Variants in KCNIP4 observed in about 807,000 individuals in gnomAD.
KCNIP4 encodes the protein potassium voltage-gated channel interacting protein 4.
KCNIP4 carries 12 observed loss-of-function variants against 34.0 expected under a neutral mutation model. The observed-to-expected ratio is 0.35, with a 90% CI of 0.23 to 0.57. The LOEUF (loss-of-function observed/expected upper bound fraction) is 0.57, where lower values mean the gene tolerates loss of function less well. Among genes scored for constraint, KCNIP4 ranks in the 20% least tolerant of loss-of-function variants. The probability of loss-of-function intolerance (pLI) is 0.83; values close to 1 mark genes in which losing one functional copy is unlikely to be tolerated. For synonymous variants in KCNIP4, 124 were observed against 102.2 expected, an observed-to-expected ratio of 1.21 and a Z score of -1.29; for missense variants, 238 against 311.7, an observed-to-expected ratio of 0.76 and a Z score of 1.78.
chr4:21,384,416 C>T (rs1046071511), intron 1 of KCNIP4, among the ~76,000 whole-genome samples: 2 of 152,094 alleles, frequency 1.3e-5, no homozygotes, highest in Non-Finnish European at 2.9e-5. Context: ...AATATTAAAC[C>T]ATCCAAGTTG....
chr4:21,827,459 T>G (rs1012725724), intron 1 of KCNIP4, among the ~76,000 whole-genome samples: 1 of 152,000 alleles, frequency 6.6e-6, no homozygotes, highest in African/African-American at 2.4e-5. Flanking sequence ...AAATTTCTAA[T>G]GTACTGATCT....
chr4:20,779,585 C>CACA (rs1474398889), intron 3 of KCNIP4, among the ~76,000 whole-genome samples: 3 of 134,534 alleles, frequency 2.2e-5, no homozygotes, highest in African/African-American at 8.5e-5. Context: ...AACCCCCCCC[C>CACA]CCCACACAAA....
At chr4:20,961,722 A>G (rs1733870216) in intron 1 of KCNIP4, among the ~76,000 whole-genome samples, 1 of 152,202 alleles carries the variant, frequency 6.6e-6, no homozygotes, top group South Asian at 2.1e-4. Flanking sequence ...GAAAATTCTG[A>G]TCTCAGAGGT....
chr4:21,151,700 C>T (rs982864898), intron 1 of KCNIP4, among the ~76,000 whole-genome samples: 13 of 152,024 alleles, frequency 8.6e-5, no homozygotes, highest in Non-Finnish European at 1.9e-4. Context: ...TTGAGGGGCA[C>T]GATTCAGTCC....
intron 1 of KCNIP4, among the ~76,000 whole-genome samples, chr4:21,443,855 C>A (rs1176713658): frequency 6.6e-6 from 1 of 152,032 alleles, no homozygotes; most frequent in Non-Finnish European, 1.5e-5. Context: ...TTTGTTTAAG[C>A]CTGAGAGGTT....
At chr4:20,975,625 C>G (rs1490153785) in intron 1 of KCNIP4, among the ~76,000 whole-genome samples, 1 of 152,186 alleles carries the variant, frequency 6.6e-6, no homozygotes, top group Non-Finnish European at 1.5e-5. Context: ...TAAAAAGAGA[C>G]TAGACCCCCA....
intron 1 of KCNIP4, among the ~76,000 whole-genome samples, chr4:21,731,280 G>A (rs555986238): frequency 4.6e-5 from 7 of 152,206 alleles, no homozygotes; most frequent in African/African-American, 1.7e-4. Context: ...CACATCAAGA[G>A]AAGGTACATA....
intron 1 of KCNIP4, among the ~76,000 whole-genome samples, chr4:21,084,438 G>A (rs778517571): frequency 7.4e-5 from 11 of 149,536 alleles, no homozygotes; most frequent in African/African-American, 2.0e-4. Context: ...ATGACATTAC[G>A]TGGGCTATGA....
At chr4:21,756,258 A>G (rs941274638) in intron 1 of KCNIP4, among the ~76,000 whole-genome samples, 1 of 152,176 alleles carries the variant, frequency 6.6e-6, no homozygotes, top group African/African-American at 2.4e-5. Context: ...TTGAAGTATT[A>G]TAAGAAATAT....
chr4:21,360,268 A>G (rs1719080645), intron 1 of KCNIP4, among the ~76,000 whole-genome samples: 1 of 152,132 alleles, frequency 6.6e-6, no homozygotes, highest in Admixed American at 6.6e-5. Flanking sequence ...ATTTTGATAA[A>G]TTATCCATTA....
intron 1 of KCNIP4, among the ~76,000 whole-genome samples, chr4:21,415,845 A>C (rs2109606480): frequency 6.6e-6 from 1 of 152,322 alleles, no homozygotes; most frequent in South Asian, 2.1e-4. Flanking sequence ...GGAGAGGAAA[A>C]ACCAGGCTGG....
intron 3 of KCNIP4, among the ~76,000 whole-genome samples, chr4:20,788,386 A>G: frequency 6.6e-6 from 1 of 152,168 alleles, no homozygotes; most frequent in South Asian, 2.1e-4. Flanking sequence ...AATGAGGTAT[A>G]TTTTGGATCC....
At position 20,730,088 on chromosome 4, in the gene KCNIP4, C is replaced by G; in HGVS notation, c.747G>C (p.Val249=). 1 of 1,608,358 alleles carries G rather than the reference C, an allele frequency of 6.2e-7. No homozygotes were observed. Among genetic ancestry groups the G allele is most frequent in the Non-Finnish European group, 8.5e-7 (1 of 1,178,070 alleles). ...TCAGGATCTATTTGACAAGTTAAATCACATTTTCAAAGAGCTGCATGGAGC... is the reference window on the plus strand; with the variant it reads ...TCAGGATCTATTTGACAAGTTAAATGACATTTTCAAAGAGCTGCATGGAGC... The part of the protein sequence containing the change: ...IMRSMQLFEN[V]I Residue 249 remains valine (V), a synonymous_variant, in exon 9 of 9, where the codon GTG becomes GTC. Transcript: ENST00000382152.
intron 1 of KCNIP4, among the ~76,000 whole-genome samples, chr4:20,990,467 C>A (rs918939285): frequency 1.8e-4 from 27 of 152,136 alleles, no homozygotes; most frequent in African/African-American, 6.3e-4. Flanking sequence ...TCCACAAGGT[C>A]GATTGGATTT....
intron 1 of KCNIP4, among the ~76,000 whole-genome samples, chr4:20,985,188 T>C (rs1736459090): frequency 6.6e-6 from 1 of 152,212 alleles, no homozygotes; most frequent in Admixed American, 6.5e-5. Context: ...TTCTGCTTCT[T>C]TCTTGCTATG....
chr4:21,524,526 C>A (rs185693172), intron 1 of KCNIP4, among the ~76,000 whole-genome samples: 1 of 152,018 alleles, frequency 6.6e-6, no homozygotes, highest in African/African-American at 2.4e-5. Context: ...GTGAATATAT[C>A]CAGTTCTTTT....
intron 1 of KCNIP4, among the ~76,000 whole-genome samples, chr4:21,787,527 C>T (rs1318480218): frequency 6.6e-6 from 1 of 152,122 alleles, no homozygotes; most frequent in Admixed American, 6.5e-5. Context: ...CACAACAACC[C>T]CATGAAGAAG....
intron 1 of KCNIP4, among the ~76,000 whole-genome samples, chr4:21,607,901 T>A (rs1486399583): frequency 6.6e-6 from 1 of 152,118 alleles, no homozygotes; most frequent in African/African-American, 2.4e-5. Flanking sequence ...CACAATCATC[T>A]GCTTCACAAG....
intron 1 of KCNIP4, among the ~76,000 whole-genome samples, chr4:21,412,122 T>A (rs904118758): frequency 1.1e-4 from 16 of 152,140 alleles, no homozygotes; most frequent in Non-Finnish European, 1.9e-4. Flanking sequence ...GTAAGAGAAA[T>A]GAATTGTCCA....
Sources: allele counts gnomAD v4.1 joint callset (sites outside exome capture counted in the v4.1 genomes callset), GRCh38; gene constraint gnomAD v4.1.1; transcripts MANE v1.5; gene names NCBI Gene and HGNC (gene_info 2026-07-23, HGNC 2026-07-21).